LRP1B: variants seen among roughly 807,000 people sequenced by gnomAD.
LRP1B encodes low-density lipoprotein receptor-related protein 1B.
A neutral mutation model predicts 556.6 loss-of-function variants in LRP1B; 217 were observed. That is an observed-to-expected ratio of 0.39 (90% CI 0.35 to 0.44). LRP1B has a LOEUF of 0.44. Ranked by LOEUF, LRP1B falls within the 20% of genes least tolerant of loss-of-function variation. The probability of loss-of-function intolerance (pLI) is 1.00; values close to 1 mark genes in which losing one functional copy is unlikely to be tolerated. For missense variants in LRP1B, 5,053 were observed against 5,620.8 expected (o/e 0.90, Z 3.23); for synonymous variants, 2,047 against 1,865.8 (o/e 1.10, Z -2.50).
chr2:140,412,670 T>C (rs190179817), intron 66 of LRP1B, among the ~76,000 whole-genome samples: 11 of 152,176 alleles, frequency 7.2e-5, no homozygotes, highest in Admixed American at 2.0e-4. Context: ...AACTCTATGA[T>C]AAATATGATT....
At chr2:141,210,024 G>A (rs1363555731) in intron 6 of LRP1B, among the ~76,000 whole-genome samples, 3 of 151,466 alleles carry the variant, frequency 2.0e-5, no homozygotes, top group African/African-American at 7.3e-5. Flanking sequence ...GAAATACAAA[G>A]CCCAATGTTA....
rs529577681 is a variant in LRP1B, at chr2:140,361,690, A to G, written c.11132-2744T>C. Among the ~76,000 whole-genome samples the G allele has an allele frequency of 2.3e-3, 355 of 151,296 alleles. 3 individuals carry two copies. Among genetic ancestry groups the G allele is most frequent in the African/African-American group, 7.7e-3 (320 of 41,354 alleles). On this transcript the variant is annotated intron_variant, in intron 72 of 90. Coordinates refer to ENST00000389484, the MANE Select transcript of LRP1B (RefSeq NM_018557.3). ...CTCTTCTGCCAGCTCATCTTCACTTAGGGGCTTGTTGTCACTCAATATTCT... is the reference window on the plus strand; with the variant it reads ...CTCTTCTGCCAGCTCATCTTCACTTGGGGGCTTGTTGTCACTCAATATTCT...
At chr2:141,059,954 T>C (rs1297769854) in intron 8 of LRP1B, among the ~76,000 whole-genome samples, 1 of 151,814 alleles carries the variant, frequency 6.6e-6, no homozygotes, top group African/African-American at 2.4e-5. Flanking sequence ...GCTGTAGAGA[T>C]TTTGTTGAAA....
At chr2:140,761,984 T>TGAA (rs1688941287) in intron 35 of LRP1B, among the ~76,000 whole-genome samples, 1 of 151,898 alleles carries the variant, frequency 6.6e-6, no homozygotes, top group African/African-American at 2.4e-5. Context: ...ATGATGATGA[T>TGAA]GATGATGATG....
At chr2:140,707,772 CA>C (rs1686891083) in intron 37 of LRP1B, among the ~76,000 whole-genome samples, 1 of 152,040 alleles carries the variant, frequency 6.6e-6, no homozygotes, top group African/African-American at 2.4e-5. Flanking sequence ...GAAAGTATTA[CA>C]GGCCTATCCC....
At chr2:140,429,932 G>C (rs1380390324) in intron 66 of LRP1B, among the ~76,000 whole-genome samples, 1 of 152,086 alleles carries the variant, frequency 6.6e-6, no homozygotes, top group Non-Finnish European at 1.5e-5. Context: ...TCCTTCAGCT[G>C]TACTCACTCT....
chr2:140,251,545 A>G (rs1170474101), intron 86 of LRP1B, among the ~76,000 whole-genome samples: 1 of 151,948 alleles, frequency 6.6e-6, no homozygotes, highest in Non-Finnish European at 1.5e-5. Context: ...TCTTCTGACC[A>G]CAGTGAAATT....
chr2:140,884,296 G>T (rs1277589071), intron 24 of LRP1B, among the ~76,000 whole-genome samples: 1 of 150,982 alleles, frequency 6.6e-6, no homozygotes, highest in Non-Finnish European at 1.5e-5. Flanking sequence ...ACAACGTTGA[G>T]GTTGCAAAAA....
chr2:140,820,931 T>A (rs1454262795), intron 31 of LRP1B, among the ~76,000 whole-genome samples: 1 of 150,974 alleles, frequency 6.6e-6, no homozygotes, highest in Non-Finnish European at 1.5e-5. Flanking sequence ...AAAAAAAGTA[T>A]TTTTTTTCAA....
At chr2:141,548,483 GC>G in intron 2 of LRP1B, among the ~76,000 whole-genome samples, 1 of 152,308 alleles carries the variant, frequency 6.6e-6, no homozygotes, top group Admixed American at 6.5e-5. Context: ...ATGCTTACTT[GC>G]TTGCTAGCTA....
At chr2:141,090,383 G>A (rs1700145546) in intron 7 of LRP1B, among the ~76,000 whole-genome samples, 1 of 152,150 alleles carries the variant, frequency 6.6e-6, no homozygotes, top group Non-Finnish European at 1.5e-5. Flanking sequence ...AGCAGAATAA[G>A]TTTTGTAAAG....
At chr2:140,897,258 G>T (rs1049527015) in intron 23 of LRP1B, among the ~76,000 whole-genome samples, 3 of 152,098 alleles carry the variant, frequency 2.0e-5, no homozygotes, top group African/African-American at 7.2e-5. Context: ...ACCACAAAGT[G>T]AAGCCCTAAG....
intron 1 of LRP1B, among the ~76,000 whole-genome samples, chr2:142,053,677 A>G (rs1292417954): frequency 1.3e-5 from 2 of 152,120 alleles, no homozygotes; most frequent in African/African-American, 4.8e-5. Context: ...AAAATTCATA[A>G]TTATGATAAG....
intron 2 of LRP1B, among the ~76,000 whole-genome samples, chr2:141,660,021 C>A (rs1314266220): frequency 6.6e-6 from 1 of 151,920 alleles, no homozygotes; most frequent in Non-Finnish European, 1.5e-5. Context: ...AGAATGTTTC[C>A]CTGGCAGAGA....
intron 41 of LRP1B, among the ~76,000 whole-genome samples, chr2:140,699,096 C>A (rs796890565): frequency 5.3e-5 from 8 of 152,126 alleles, no homozygotes; most frequent in African/African-American, 1.9e-4. Context: ...TGAAGTGACA[C>A]ACTCATTGTA....
At chr2:142,117,763 A>C (rs1707325593) in intron 1 of LRP1B, among the ~76,000 whole-genome samples, 2 of 152,280 alleles carry the variant, frequency 1.3e-5, no homozygotes, top group South Asian at 2.1e-4. Context: ...CTGGGCCCAC[A>C]ATCACTCAAG....
intron 32 of LRP1B, among the ~76,000 whole-genome samples, chr2:140,809,787 T>C (rs1309146859): frequency 3.9e-5 from 6 of 152,188 alleles, no homozygotes; most frequent in African/African-American, 4.8e-5. Context: ...AGCTGTTGGC[T>C]TGTGCTAAAA....
chr2:141,218,512 C>T (rs1430174753), intron 6 of LRP1B, among the ~76,000 whole-genome samples: 1 of 152,128 alleles, frequency 6.6e-6, no homozygotes, highest in East Asian at 1.9e-4. Context: ...AGCCATTATC[C>T]TAAGTGAGTT....
At chr2:141,282,077 C>A (rs1573750155) in intron 3 of LRP1B, among the ~76,000 whole-genome samples, 2 of 152,060 alleles carry the variant, frequency 1.3e-5, no homozygotes, top group Non-Finnish European at 2.9e-5. Flanking sequence ...AGTGCCTGTA[C>A]AAATTTCTTT....
Sources: allele counts gnomAD v4.1 joint callset (sites outside exome capture counted in the v4.1 genomes callset), GRCh38; gene constraint gnomAD v4.1.1; transcripts MANE v1.5; gene names NCBI Gene and HGNC (gene_info 2026-07-23, HGNC 2026-07-21).